OFD1: variants seen among roughly 807,000 people sequenced by gnomAD.
OFD1 encodes centriole and centriolar satellite protein OFD1.
Under a neutral mutation model 81.4 loss-of-function variants are expected in OFD1, and 12 were observed. That is an observed-to-expected ratio of 0.15 (90% CI 0.09 to 0.24). The LOEUF (loss-of-function observed/expected upper bound fraction) is 0.24. Ranked by LOEUF, OFD1 falls within the 10% of genes least tolerant of loss-of-function variation. The probability of loss-of-function intolerance (pLI) is 1.00; values close to 1 mark genes in which losing one functional copy is unlikely to be tolerated. For synonymous variants in OFD1, 256 were observed against 263.7 expected (o/e 0.97, Z 0.28); for missense variants, 685 against 733.9 (o/e 0.93, Z 0.77).
chrX:13,753,217 C>A lies in OFD1; in HGVS notation c.1056-151C>A, dbSNP rs749190223. 11 of 1,106,031 alleles carry A rather than the reference C, an allele frequency of 9.9e-6. No individual in the cohort carries two copies. The South Asian group carries it at 1.2e-4, about 12-fold the overall frequency. 91.1% of individuals were successfully genotyped at this position (1,106,031 alleles called of 1,213,427 possible). On this transcript the variant is annotated intron_variant, in intron 10 of 22. Transcript: ENST00000340096. ...GGCATTTTATGTTCAGGGGTTATAT[C>A]CCTGGCTTTAGTATTGAGGACTTTG...
downstream of OFD1, chrX:13,772,717 C>T (rs2048323769): frequency 2.7e-6 from 1 of 372,127 alleles, no homozygotes; most frequent in East Asian, 4.1e-5. Context: ...AAGATTTACC[C>T]ACTGGAAGGT....
the OFD1 span, chrX:13,716,749 G>A: frequency 9.0e-7 from 1 of 1,109,961 alleles, no homozygotes; most frequent in Non-Finnish European, 1.2e-6. Context: ...ATTTCATTCT[G>A]TAAATTCTAT....
At chrX:13,750,005 T>C (rs2047443391) in intron 9 of OFD1, among the ~76,000 whole-genome samples, 1 of 112,523 alleles carries the variant, frequency 8.9e-6, no homozygotes, top group Non-Finnish European at 1.9e-5. Context: ...CACAAATGTT[T>C]CATCCTTGAG....
intron 5 of OFD1, among the ~76,000 whole-genome samples, chrX:13,742,690 A>C: frequency 9.1e-6 from 1 of 110,252 alleles, no homozygotes; most frequent in East Asian, 2.9e-4. Flanking sequence ...CGCCTGGCTA[A>C]TTTTTTTGTG....
At chrX:13,761,258 T>G (rs2047917280) in intron 17 of OFD1, 47 bp downstream of exon 17, 22 of 1,179,142 alleles carry the variant, frequency 1.9e-5, no homozygotes, top group Non-Finnish European at 2.4e-5. Flanking sequence ...ATAATGTTAC[T>G]TGCTCTGTCA....
At chrX:13,741,418 T>G (rs995529895) in intron 5 of OFD1, among the ~76,000 whole-genome samples, 1 of 112,226 alleles carries the variant, frequency 8.9e-6, no homozygotes, top group Non-Finnish European at 1.9e-5. Context: ...ACTTAACCGT[T>G]GTCTGTCCCC....
the OFD1 span, among the ~76,000 whole-genome samples, chrX:13,718,466 A>G: frequency 9.5e-5 from 9 of 94,852 alleles, no homozygotes; most frequent in Admixed American, 4.2e-4. Flanking sequence ...ACTAAAATCA[A>G]GTTATGCAAC....
At chrX:13,744,569 A>C (rs1435834548) in intron 6 of OFD1, 50 bp downstream of exon 6, 10 of 770,458 alleles carry the variant, frequency 1.3e-5, no homozygotes, top group African/African-American at 4.1e-5. Flanking sequence ...TTCATTTTGA[A>C]TGAAGGAAAT....
chrX:13,729,427 G>A, the OFD1 span, among the ~76,000 whole-genome samples: 2 of 111,555 alleles, frequency 1.8e-5, no homozygotes, highest in Non-Finnish European at 3.8e-5. Context: ...CAGAACAGAG[G>A]CCTCAGAAAT....
In OFD1 at chrX:13,753,348, T is replaced by G. The variant is rs1396882545; in HGVS notation, c.1056-20T>G. The G allele has an allele frequency of 8.3e-7, 1 of 1,208,069 alleles. No homozygotes were observed. Among genetic ancestry groups the G allele is most frequent in the South Asian group, 1.8e-5 (1 of 56,881 alleles). On this transcript the variant is annotated intron_variant, in intron 10 of 22. Transcript: ENST00000340096. ...AGAAAAATGCCTGAGGAGCTCATAT[T>G]TAGTCATTCTGATTCTCAGGTATCA...
the OFD1 span, among the ~76,000 whole-genome samples, chrX:13,724,964 G>C: frequency 1.8e-5 from 2 of 113,329 alleles, no homozygotes; most frequent in Admixed American, 1.9e-4. Flanking sequence ...TGCCTGGCTC[G>C]GCAGGTCCCA....
At chrX:13,739,214 AAAC>A in intron 5 of OFD1, 182 bp downstream of exon 5, 1 of 450,637 alleles carries the variant, frequency 2.2e-6, no homozygotes, top group Non-Finnish European at 3.9e-6. Context: ...TCAATTAAAA[AAAC>A]TGTAGACAGT....
intron 14 of OFD1, 39 bp downstream of exon 14, chrX:13,757,829 T>C: frequency 8.4e-7 from 1 of 1,190,062 alleles, no homozygotes; most frequent in South Asian, 1.8e-5. Context: ...GTGATACCAG[T>C]ACACTTCATA....
At chrX:13,761,643 A>C (rs1374168318) in intron 17 of OFD1, among the ~76,000 whole-genome samples, 1 of 112,495 alleles carries the variant, frequency 8.9e-6, no homozygotes, top group Non-Finnish European at 1.9e-5. Flanking sequence ...ATAAACAGAT[A>C]AGGTTCTGAC....
At chrX:13,746,745 G>C (rs752429928) in intron 7 of OFD1, 35 bp from the exon 8 acceptor site, 1 of 1,080,087 alleles carries the variant, frequency 9.3e-7, no homozygotes, top group Non-Finnish European at 1.3e-6. Context: ...TAGTATAATA[G>C]TTGGTATTTT....
chrX:13,740,627 T>C (rs1219955468), intron 5 of OFD1, among the ~76,000 whole-genome samples: 1 of 109,159 alleles, frequency 9.2e-6, no homozygotes, highest in Non-Finnish European at 1.9e-5. Flanking sequence ...ACCCCATCTC[T>C]ACTAAAAATA....
chrX:13,730,157 T>A (rs2046643372), upstream of OFD1, among the ~76,000 whole-genome samples: 1 of 110,069 alleles, frequency 9.1e-6, no homozygotes, highest in South Asian at 3.9e-4. Flanking sequence ...GGAGAAAATG[T>A]TTGCAATCTA....
intron 8 of OFD1, among the ~76,000 whole-genome samples, 160 bp from the exon 9 acceptor site, chrX:13,749,267 A>G (rs2047414899): frequency 8.9e-6 from 1 of 112,035 alleles, no homozygotes; most frequent in Admixed American, 9.4e-5. Flanking sequence ...TGCAACTAGA[A>G]TACGCAAAAA....
intron 21 of OFD1, 44 bp from the exon 22 acceptor site, chrX:13,768,674 T>C: frequency 1.1e-6 from 1 of 949,349 alleles, no homozygotes; most frequent in Non-Finnish European, 1.5e-6. Context: ...ATGAAATTAA[T>C]GCATATCTAA....
Sources: gnomAD v4.1 joint callset for allele counts (sites outside exome capture counted in the v4.1 genomes callset) on GRCh38, gnomAD v4.1.1 for gene constraint, MANE v1.5 for transcripts, NCBI Gene and HGNC (gene_info 2026-07-23, HGNC 2026-07-21) for gene names.